RTN4R: variants seen among roughly 807,000 people sequenced by gnomAD.
The protein encoded by RTN4R is reticulon 4 receptor.
Under a neutral mutation model 27.7 loss-of-function variants are expected in RTN4R, and 4 were observed. That is an observed-to-expected ratio of 0.14 (90% CI 0.07 to 0.33). The LOEUF is 0.33. Among genes scored for constraint, RTN4R ranks in the 10% least tolerant of loss-of-function variants. The pLI is 1.00. For missense variants in RTN4R, 554 were observed against 671.5 expected, an observed-to-expected ratio of 0.83 and a Z score of 1.93; for synonymous variants, 290 against 305.6, an observed-to-expected ratio of 0.95 and a Z score of 0.53.
At chr22:20,262,306 C>T (rs1417097056) in intron 1 of RTN4R, among the ~76,000 whole-genome samples, 2 of 152,008 alleles carry the variant, frequency 1.3e-5, no homozygotes, top group Non-Finnish European at 2.9e-5. Flanking sequence ...GGAGCCTGAA[C>T]CCCTGCTCCA....
intron 1 of RTN4R, chr22:20,267,831 G>C (rs1443165345): frequency 2.8e-6 from 1 of 355,858 alleles, no homozygotes; most frequent in Non-Finnish European, 5.4e-6. Context: ...CGGCCCTGCC[G>C]AAGCCGTCAA....
chr22:20,260,967 C>T (rs575287756), intron 1 of RTN4R, among the ~76,000 whole-genome samples: 1 of 152,190 alleles, frequency 6.6e-6, no homozygotes, highest in East Asian at 1.9e-4. Context: ...CTGTGCACCC[C>T]ACTCCCACCC....
At chr22:20,245,741 T>C (rs1020738221) in intron 1 of RTN4R, among the ~76,000 whole-genome samples, 1 of 152,174 alleles carries the variant, frequency 6.6e-6, no homozygotes, top group African/African-American at 2.4e-5. Flanking sequence ...CTTCTGGAGA[T>C]AGCATGGCCT....
rs202097020 is a variant in RTN4R at position 20,242,112 on chromosome 22, C to A, written c.1021G>T (p.Ala341Ser). ...GGCTCCAGTACTGAGGCCTTGTCAG[C>A]GGCATCTGGCTGGCAGCACTTGGGA... ...GLPKCCQPDA[A>S]DKASVLEPGR... Residue 341 changes from alanine (A) to serine (S), a missense_variant, in exon 2 of 2, where the codon GCT becomes TCT. Transcript: ENST00000043402. The A allele has an allele frequency of 7.2e-5, 116 of 1,611,996 alleles. No homozygotes were observed. The Admixed American group carries it at 7.3e-4, about 10-fold the overall frequency.
intron 1 of RTN4R, among the ~76,000 whole-genome samples, chr22:20,256,718 T>C (rs2051214050): frequency 6.6e-6 from 1 of 152,192 alleles, no homozygotes; most frequent in Non-Finnish European, 1.5e-5. Context: ...ACTCCTCCAC[T>C]GGCTGCTTCT....
At chr22:20,260,467 T>C (rs2051238750) in intron 1 of RTN4R, among the ~76,000 whole-genome samples, 1 of 152,096 alleles carries the variant, frequency 6.6e-6, no homozygotes, top group Non-Finnish European at 1.5e-5. Context: ...AGGTTCCTGG[T>C]GGCATGCGTG....
At chr22:20,247,268 C>T (rs971987128) in intron 1 of RTN4R, among the ~76,000 whole-genome samples, 11 of 152,152 alleles carry the variant, frequency 7.2e-5, no homozygotes, top group East Asian at 1.9e-4. Context: ...AGGATCCTCT[C>T]GGACACCAGC....
chr22:20,246,969 G>A (rs904001904), intron 1 of RTN4R, among the ~76,000 whole-genome samples: 1 of 152,252 alleles, frequency 6.6e-6, no homozygotes, highest in Admixed American at 6.5e-5. Flanking sequence ...CCCAGGTGGA[G>A]AGGCGGCCAA....
At chr22:20,267,291 C>A (rs1421335971) in intron 1 of RTN4R, among the ~76,000 whole-genome samples, 7 of 152,246 alleles carry the variant, frequency 4.6e-5, no homozygotes, top group Admixed American at 1.3e-4. Flanking sequence ...ATCAGCAGGG[C>A]AGCCTGGGTG....
At chr22:20,263,395 G>C (rs1470660355) in intron 1 of RTN4R, among the ~76,000 whole-genome samples, 2 of 152,240 alleles carry the variant, frequency 1.3e-5, no homozygotes, top group African/African-American at 4.8e-5. Context: ...AAGACGCCCT[G>C]CGGGAAAGGA....
intron 1 of RTN4R, among the ~76,000 whole-genome samples, chr22:20,266,902 C>T (rs1174698490): frequency 6.6e-6 from 1 of 152,268 alleles, no homozygotes; most frequent in Non-Finnish European, 1.5e-5. Context: ...AAGCCCGAGG[C>T]GGGGACCCCC....
intron 1 of RTN4R, among the ~76,000 whole-genome samples, chr22:20,245,728 G>A (rs549784948): frequency 1.8e-4 from 28 of 152,304 alleles, no homozygotes; most frequent in Admixed American, 1.8e-3. Flanking sequence ...ATGCTCTACT[G>A]TCCTTCTGGA....
At chr22:20,252,428 T>C (rs1056556954) in intron 1 of RTN4R, among the ~76,000 whole-genome samples, 14 of 152,306 alleles carry the variant, frequency 9.2e-5, no homozygotes, top group East Asian at 1.9e-4. Context: ...CTTTCCTCAT[T>C]CCTGGAGGTT....
At chr22:20,246,196 G>T (rs2145974350) in intron 1 of RTN4R, among the ~76,000 whole-genome samples, 1 of 152,328 alleles carries the variant, frequency 6.6e-6, no homozygotes, top group African/African-American at 2.4e-5. Flanking sequence ...TGGCTCTCCT[G>T]CCTGGAAGGC....
chr22:20,249,080 C>A, intron 1 of RTN4R: 1 of 530,642 alleles, frequency 1.9e-6, no homozygotes. Context: ...ACCTGCTCCT[C>A]CATGCTCCAC....
chr22:20,259,031 T>C (rs917187463), intron 1 of RTN4R, among the ~76,000 whole-genome samples: 5 of 152,046 alleles, frequency 3.3e-5, no homozygotes, highest in African/African-American at 1.2e-4. Flanking sequence ...ACTGGACCAC[T>C]GGGGCCTCAG....
At chr22:20,263,638 C>T (rs956436693) in intron 1 of RTN4R, among the ~76,000 whole-genome samples, 5 of 152,258 alleles carry the variant, frequency 3.3e-5, no homozygotes, top group Non-Finnish European at 7.3e-5. Context: ...AGCCCAGCTC[C>T]ATGTGCCAGG....
Position 20,241,688 on chromosome 22 carries a change from C to A in RTN4R, c.*23G>T, listed in dbSNP as rs1289478507. ...TATGTACACACACCTGGCTGCTGAG[C>A]ACGCTCTTGTGTCCGCTGGGGGTCA... On this transcript the variant is annotated 3_prime_UTR_variant, in exon 2 of 2. Coordinates refer to ENST00000043402, the MANE Select transcript of RTN4R (RefSeq NM_023004.6). The A allele has an allele frequency of 6.5e-7, 1 of 1,548,598 alleles. No individual in the cohort carries two copies. The highest frequency in any genetic ancestry group is 8.7e-7 in the Non-Finnish European group (1 of 1,146,574).
intron 1 of RTN4R, 90 bp downstream of exon 1, chr22:20,267,981 G>T: frequency 2.7e-6 from 2 of 746,162 alleles, no homozygotes; most frequent in Non-Finnish European, 3.5e-6. Context: ...TCGGCAGCCC[G>T]GGACGGGCCC....
Sources: allele counts gnomAD v4.1 joint callset (sites outside exome capture counted in the v4.1 genomes callset), GRCh38; gene constraint gnomAD v4.1.1; transcripts MANE v1.5; gene names NCBI Gene and HGNC (gene_info 2026-07-23, HGNC 2026-07-21).